Variants in LGSN observed in about 807,000 individuals in gnomAD.
The protein encoded by LGSN is lengsin.
A neutral mutation model predicts 19.5 loss-of-function variants in LGSN; 21 were observed. That is an observed-to-expected ratio of 1.07 (90% CI 0.76 to 1.55). The LOEUF (loss-of-function observed/expected upper bound fraction) is 1.55. Ranked by LOEUF, LGSN falls within the 40% of genes most tolerant of loss-of-function variation. The pLI is 0.00. For synonymous variants in LGSN, 257 were observed against 215.6 expected, an observed-to-expected ratio of 1.19 and a Z score of -1.68; for missense variants, 673 against 608.5, an observed-to-expected ratio of 1.11 and a Z score of -1.12.
the LGSN span, among the ~76,000 whole-genome samples, chr6:63,561,976 C>T: frequency 6.6e-6 from 1 of 151,894 alleles, no homozygotes; most frequent in Non-Finnish European, 1.5e-5. Context: ...ATGATTTTTC[C>T]CCAACTGTAA....
At chr6:63,469,829 G>T in the LGSN span, among the ~76,000 whole-genome samples, 1 of 152,102 alleles carries the variant, frequency 6.6e-6, no homozygotes, top group African/African-American at 2.4e-5. Flanking sequence ...CGATTCTCCT[G>T]CCTCAGCCTC....
intron 1 of LGSN, among the ~76,000 whole-genome samples, chr6:63,313,812 G>T (rs1003853577): frequency 2.0e-4 from 31 of 151,636 alleles, no homozygotes; most frequent in African/African-American, 7.5e-4. Flanking sequence ...CTCCAACCTG[G>T]GCAACAGAGT....
chr6:63,326,614 G>C, the LGSN span, among the ~76,000 whole-genome samples: 6 of 152,312 alleles, frequency 3.9e-5, no homozygotes, highest in African/African-American at 1.4e-4. Flanking sequence ...AGGCAGCTAA[G>C]GCCCAGCAAG....
At chr6:63,450,304 G>GTGAGCAGAGATTGCACACTGCACTCC in the LGSN span, among the ~76,000 whole-genome samples, 1 of 151,710 alleles carries the variant, frequency 6.6e-6, no homozygotes, top group Non-Finnish European at 1.5e-5. Context: ...AAAGGTTGCA[G>GTGAGCAGAGATTGCACACTGCACTCC]TGAGCAGAGA....
the LGSN span, among the ~76,000 whole-genome samples, chr6:63,362,393 G>T: frequency 1.3e-5 from 2 of 152,186 alleles, no homozygotes; most frequent in Non-Finnish European, 2.9e-5. Context: ...AGAGCAGGGC[G>T]GGGCATCGCC....
chr6:63,564,916 A>T, the LGSN span, among the ~76,000 whole-genome samples: 40 of 152,376 alleles, frequency 2.6e-4, no homozygotes, highest in African/African-American at 9.4e-4. Flanking sequence ...GGATAGATTC[A>T]TAATAAGTCC....
At chr6:63,348,385 C>T in the LGSN span, among the ~76,000 whole-genome samples, 1 of 150,186 alleles carries the variant, frequency 6.7e-6, no homozygotes, top group East Asian at 2.0e-4. Flanking sequence ...ATCCAGGAGG[C>T]GGAGGTTTCA....
chr6:63,347,360 A>C, the LGSN span, among the ~76,000 whole-genome samples: 1 of 152,170 alleles, frequency 6.6e-6, no homozygotes, highest in Non-Finnish European at 1.5e-5. Context: ...GCATTAACTA[A>C]ATATTTGGGG....
the LGSN span, among the ~76,000 whole-genome samples, chr6:63,510,874 A>G: frequency 2.0e-5 from 3 of 151,918 alleles, no homozygotes; most frequent in Non-Finnish European, 2.9e-5. Flanking sequence ...GGATTTCACT[A>G]TGTTGGCCAG....
At chr6:63,288,941 T>C (rs1054665737) in intron 2 of LGSN, among the ~76,000 whole-genome samples, 44 of 152,240 alleles carry the variant, frequency 2.9e-4, no homozygotes, top group Admixed American at 2.8e-3. Context: ...TAGGATTTCA[T>C]TTTAACAATT....
chr6:63,367,045 C>G, the LGSN span, among the ~76,000 whole-genome samples: 3 of 152,102 alleles, frequency 2.0e-5, no homozygotes, highest in African/African-American at 4.8e-5. Context: ...GACTTCATGT[C>G]TAAAACACCA....
chr6:63,372,618 C>T, the LGSN span, among the ~76,000 whole-genome samples: 1 of 152,068 alleles, frequency 6.6e-6, no homozygotes, highest in Non-Finnish European at 1.5e-5. Flanking sequence ...TTTCATCTGA[C>T]TTTCTTTTAG....
At chr6:63,537,030 T>A in the LGSN span, among the ~76,000 whole-genome samples, 7 of 152,126 alleles carry the variant, frequency 4.6e-5, no homozygotes, top group African/African-American at 1.7e-4. Flanking sequence ...GTTAAATAGT[T>A]TTAAAATTAA....
chr6:63,358,392 G>A, the LGSN span, among the ~76,000 whole-genome samples: 6 of 152,272 alleles, frequency 3.9e-5, no homozygotes, highest in East Asian at 5.8e-4. Context: ...GCTTGATGGG[G>A]ATGGCATTGA....
At chr6:63,395,820 C>G in the LGSN span, 15,305 of 135,138 alleles carry the variant, frequency 0.11, 1,621 homozygotes, top group African/African-American at 0.3. Flanking sequence ...GAGGGCTGGG[C>G]TGGGTGGGCA....
At chr6:63,420,288 TACA>T in the LGSN span, among the ~76,000 whole-genome samples, 3 of 152,048 alleles carry the variant, frequency 2.0e-5, no homozygotes, top group African/African-American at 7.2e-5. Context: ...CCCATAAAAC[TACA>T]GTAGCCTTTT....
chr6:63,294,151 A>G (rs1184937649), intron 2 of LGSN, among the ~76,000 whole-genome samples: 1 of 152,026 alleles, frequency 6.6e-6, no homozygotes, highest in East Asian at 1.9e-4. Flanking sequence ...ACCGGCTAAC[A>G]TGGTGAAACC....
the LGSN span, among the ~76,000 whole-genome samples, chr6:63,352,459 G>A: frequency 2.6e-5 from 4 of 151,926 alleles, no homozygotes; most frequent in Non-Finnish European, 5.9e-5. Context: ...CAAGAATTTC[G>A]GGACCAGCTC....
chr6:63,412,176 G>A, the LGSN span, among the ~76,000 whole-genome samples: 1 of 151,938 alleles, frequency 6.6e-6, no homozygotes, highest in Non-Finnish European at 1.5e-5. Context: ...AGACCAGCCT[G>A]GCCAACACGG....
Sources: gnomAD v4.1 joint callset for allele counts (sites outside exome capture counted in the v4.1 genomes callset) on GRCh38, gnomAD v4.1.1 for gene constraint, MANE v1.5 for transcripts, NCBI Gene and HGNC (gene_info 2026-07-23, HGNC 2026-07-21) for gene names.